The following TMEM50B variants were observed in gnomAD, a reference collection of about 807,000 sequenced individuals.
TMEM50B encodes HCV p7-trans-regulated protein 3.
In TMEM50B, 14 loss-of-function variants were observed where a neutral mutation model predicts 23.4. The ratio of observed to expected loss-of-function variants is 0.60; its 90% CI spans 0.39 to 0.93. The LOEUF (loss-of-function observed/expected upper bound fraction) is 0.93, where lower values mean the gene tolerates loss of function less well. Ranked by LOEUF, TMEM50B falls within the 40% of genes least tolerant of loss-of-function variation. The pLI is 0.00. For missense variants in TMEM50B, 159 were observed against 193.0 expected, an observed-to-expected ratio of 0.82 and a Z score of 1.04; for synonymous variants, 64 against 62.3, an observed-to-expected ratio of 1.03 and a Z score of -0.13.
downstream of TMEM50B, among the ~76,000 whole-genome samples, chr21:33,447,391 A>T (rs1486152697): frequency 1.3e-5 from 2 of 152,030 alleles, no homozygotes; most frequent in Admixed American, 6.6e-5. Context: ...GGCAGTAGTG[A>T]GCTATAATCA....
chr21:33,444,812 A>AAAAAAG (rs1408999185), downstream of TMEM50B, among the ~76,000 whole-genome samples: 3 of 150,420 alleles, frequency 2.0e-5, no homozygotes, highest in African/African-American at 7.3e-5. Flanking sequence ...ACAAAAAAAA[A>AAAAAAG]AAAAAAAAGA....
At chr21:33,447,719 C>CACAT (rs997424550), downstream of TMEM50B, among the ~76,000 whole-genome samples, 4 of 77,764 alleles carry the variant, frequency 5.1e-5, no homozygotes, top group Admixed American at 1.4e-4. Flanking sequence ...CACACACACA[C>CACAT]ATATATATAT....
intron 3 of TMEM50B, 41 bp from the exon 4 acceptor site, chr21:33,465,450 C>T (rs2084257118): frequency 2.0e-6 from 3 of 1,485,138 alleles, no homozygotes; most frequent in Non-Finnish European, 2.8e-6. Context: ...TCAGTATTCG[C>T]TGTTAAAATA....
chr21:33,435,234 G>A (rs371035699), intron 8 of TMEM50B, among the ~76,000 whole-genome samples: 1 of 152,160 alleles, frequency 6.6e-6, no homozygotes, highest in Non-Finnish European at 1.5e-5. Flanking sequence ...TAAGGCCCTC[G>A]CTCCCAGATT....
At chr21:33,435,119 G>A (rs1393149387) in intron 8 of TMEM50B, among the ~76,000 whole-genome samples, 1 of 152,180 alleles carries the variant, frequency 6.6e-6, no homozygotes, top group African/African-American at 2.4e-5. Context: ...CCAAGAGCTA[G>A]ACACTAGATT....
Position 33,469,099 on chromosome 21 carries a change from C to T in TMEM50B, c.-41-173G>A, listed in dbSNP as rs188240950. 1.6e-3 allele frequency among the ~76,000 whole-genome samples: 238 copies of T among 152,274 alleles called. 3 individuals carry two copies. Among genetic ancestry groups the T allele is most frequent in the Non-Finnish European group, 1.7e-3 (115 of 68,022 alleles). On this transcript the variant is annotated intron_variant, in intron 1 of 6. Coordinates refer to ENST00000542230, the MANE Select transcript of TMEM50B (RefSeq NM_006134.7). The stretch of plus-strand genomic sequence containing the variant: ...CCTAATTGAGATGTATATAGGACTA[C>T]GCTAGGACCCAAGGGGGAGCTTGCT...
chr21:33,434,339 T>C (rs1027514039), intron 8 of TMEM50B, among the ~76,000 whole-genome samples: 2 of 152,072 alleles, frequency 1.3e-5, no homozygotes, highest in South Asian at 2.1e-4. Flanking sequence ...CTGGCCAACA[T>C]GGTGAAACCC....
At chr21:33,463,335 A>G (rs1176517740) in intron 4 of TMEM50B, among the ~76,000 whole-genome samples, 3 of 152,200 alleles carry the variant, frequency 2.0e-5, no homozygotes, top group African/African-American at 7.2e-5. Flanking sequence ...CATCAAGTAG[A>G]AAAGAAAGCT....
intron 6 of TMEM50B, among the ~76,000 whole-genome samples, chr21:33,452,344 A>C (rs969635861): frequency 2.0e-5 from 3 of 152,198 alleles, no homozygotes; most frequent in Non-Finnish European, 2.9e-5. Context: ...CAGCGTACAG[A>C]CAGCCACACA....
intron 1 of TMEM50B, among the ~76,000 whole-genome samples, chr21:33,474,049 G>T (rs554751433): frequency 6.8e-6 from 1 of 147,198 alleles, no homozygotes; most frequent in South Asian, 2.1e-4. Flanking sequence ...ACTGCAAAAG[G>T]CTACAAGATT....
In TMEM50B at chr21:33,450,471, C is replaced by T. The variant is rs950351648; in HGVS notation, c.*347G>A. ...TCGGCCTCCCAAAGTGCTGGGATTACAGGCATGAGCCACCGTGCCCAGCCA... is the reference window on the plus strand; with the variant it reads ...TCGGCCTCCCAAAGTGCTGGGATTATAGGCATGAGCCACCGTGCCCAGCCA... On this transcript the variant is annotated 3_prime_UTR_variant, in exon 7 of 7. Coordinates refer to ENST00000542230, the MANE Select transcript of TMEM50B (RefSeq NM_006134.7). The T allele has an allele frequency of 5.7e-6, 1 of 174,190 alleles. No homozygotes were observed. Among genetic ancestry groups the T allele is most frequent in the Non-Finnish European group, 1.2e-5 (1 of 82,514 alleles). 10.8% of individuals were successfully genotyped at this position (174,190 alleles called of 1,614,324 possible). A position where few individuals can be genotyped will look rare whatever the true frequency, so the allele number is the denominator to read the frequency against.
At chr21:33,468,724 C>T (rs369243340) in intron 2 of TMEM50B, 63 bp downstream of exon 2, 21 of 1,291,910 alleles carry the variant, frequency 1.6e-5, no homozygotes, top group African/African-American at 1.2e-4. Flanking sequence ...TCAAAGGAAC[C>T]GGCATTAATT....
chr21:33,472,815 T>G (rs1406650316), intron 1 of TMEM50B, among the ~76,000 whole-genome samples: 3 of 151,494 alleles, frequency 2.0e-5, no homozygotes, highest in Non-Finnish European at 2.9e-5. Flanking sequence ...GAGGTTGCAG[T>G]GAGCCAAGAT....
At position 33,436,757 on chromosome 21, in the gene TMEM50B, A is replaced by AT. The variant is rs2083957871; in HGVS notation, c.*2120+2456_*2120+2457insA. 4.0e-6 allele frequency: 5 copies of AT among 1,250,088 alleles called. No individual in the cohort carries two copies. In the South Asian group the frequency reaches 6.9e-5, roughly 17 times the overall value. 77.4% of individuals were successfully genotyped at this position (1,250,088 alleles called of 1,614,324 possible). A position where few individuals can be genotyped will look rare whatever the true frequency, so the allele number is the denominator to read the frequency against. On this transcript the variant is annotated intron_variant and NMD_transcript_variant, in intron 8 of 8. Coordinates refer to the TMEM50B transcript ENST00000420455. Reference sequence around the variant, plus strand: ...AAAATAAAAATAAAATAAAAACAAAAACTAAAGTTAAAAGGTCTGGTATAC... The same window carrying AT: ...AAAATAAAAATAAAATAAAAACAAAATACTAAAGTTAAAAGGTCTGGTATAC...
chr21:33,442,034 G>A (rs1468863266), intron 7 of TMEM50B, among the ~76,000 whole-genome samples: 1 of 150,664 alleles, frequency 6.6e-6, no homozygotes, highest in African/African-American at 2.5e-5. Flanking sequence ...TTTGTTTGAA[G>A]CACAAGTGAC....
chr21:33,432,491 T>A, exon 9 of TMEM50B: 1 of 880,128 alleles, frequency 1.1e-6, no homozygotes, highest in Non-Finnish European at 1.9e-6. Flanking sequence ...TGTGCTGAGA[T>A]TTGCAGTAGT....
chr21:33,458,823 ATTT>A (rs2084192397), intron 5 of TMEM50B, among the ~76,000 whole-genome samples: 1 of 152,226 alleles, frequency 6.6e-6, no homozygotes, highest in Non-Finnish European at 1.5e-5. Flanking sequence ...CTCTAGTAGT[ATTT>A]TTAATTAACT....
At chr21:33,461,899 T>C (rs879684772) in intron 4 of TMEM50B, among the ~76,000 whole-genome samples, 22 of 152,068 alleles carry the variant, frequency 1.4e-4, no homozygotes, top group Middle Eastern at 3.4e-3. Flanking sequence ...GAAAAAAATT[T>C]CTCTTGTAAA....
intron 1 of TMEM50B, among the ~76,000 whole-genome samples, chr21:33,471,860 C>T (rs1414994456): frequency 6.7e-6 from 1 of 150,290 alleles, no homozygotes; most frequent in Non-Finnish European, 1.5e-5. Context: ...ATGGTGAAAC[C>T]CCGTCTCTAC....
Sources: allele counts gnomAD v4.1 joint callset (sites outside exome capture counted in the v4.1 genomes callset), GRCh38; gene constraint gnomAD v4.1.1; transcripts MANE v1.5; gene names NCBI Gene and HGNC (gene_info 2026-07-23, HGNC 2026-07-21).